The following CCAR1 variants were observed in gnomAD, a reference collection of about 807,000 sequenced individuals.
CCAR1 encodes the protein cell division cycle and apoptosis regulator protein 1.
Under a neutral mutation model 163.8 loss-of-function variants are expected in CCAR1, and 78 were observed. That is an observed-to-expected ratio of 0.48 (90% CI 0.40 to 0.57). The LOEUF is 0.57. CCAR1 is among the 20% of genes least tolerant of loss of function. CCAR1 has a pLI of 0.00. For missense variants in CCAR1, 1,019 were observed against 1,365.2 expected (o/e 0.75, Z 4.00); for synonymous variants, 443 against 460.7 (o/e 0.96, Z 0.49).
intron 10 of CCAR1, 87 bp downstream of exon 10, chr10:68,749,772 G>A: frequency 8.4e-7 from 1 of 1,191,254 alleles, no homozygotes; most frequent in Non-Finnish European, 1.2e-6. Flanking sequence ...TTTCTTGCAA[G>A]ATTGATTTCC....
intron 17 of CCAR1, among the ~76,000 whole-genome samples, chr10:68,769,199 GTCCCGACCT>G (rs1194376142): frequency 3.9e-5 from 6 of 152,282 alleles, no homozygotes; most frequent in African/African-American, 4.8e-5. Context: ...TGGTCTCGAA[GTCCCGACCT>G]CGTGATCCAC....
intron 4 of CCAR1, among the ~76,000 whole-genome samples, chr10:68,738,190 G>A (rs533427676): frequency 5.9e-5 from 9 of 152,268 alleles, no homozygotes; most frequent in Non-Finnish European, 4.4e-5. Flanking sequence ...CGAGGCGGGC[G>A]GATCACTTGA....
At chr10:68,780,395 A>C (rs2056721422) in intron 19 of CCAR1, among the ~76,000 whole-genome samples, 1 of 152,180 alleles carries the variant, frequency 6.6e-6, no homozygotes, top group Non-Finnish European at 1.5e-5. Context: ...TGGTCTCACT[A>C]TGATGCCCAA....
intron 7 of CCAR1, 46 bp downstream of exon 7, chr10:68,747,321 G>A (rs774620268): frequency 6.3e-7 from 1 of 1,587,830 alleles, no homozygotes; most frequent in Non-Finnish European, 8.6e-7. Flanking sequence ...TGGTAAATGA[G>A]TCTTCTAATT....
intron 19 of CCAR1, among the ~76,000 whole-genome samples, chr10:68,783,548 G>A (rs764580061): frequency 1.3e-5 from 2 of 152,002 alleles, no homozygotes; most frequent in Non-Finnish European, 2.9e-5. Flanking sequence ...GCTGAGGAAG[G>A]CACGAGGTCA....
intron 24 of CCAR1, among the ~76,000 whole-genome samples, chr10:68,790,199 CA>C (rs1437430372): frequency 6.6e-6 from 1 of 151,444 alleles, no homozygotes; most frequent in East Asian, 1.9e-4. Context: ...ACTAAAAATA[CA>C]AAAAAAATTA....
intron 6 of CCAR1, among the ~76,000 whole-genome samples, chr10:68,743,489 T>A (rs1031624568): frequency 6.6e-6 from 1 of 151,920 alleles, no homozygotes; most frequent in African/African-American, 2.4e-5. Flanking sequence ...TGTATTTTTA[T>A]TTTTTTCTGA....
intron 19 of CCAR1, among the ~76,000 whole-genome samples, chr10:68,785,823 T>G (rs928471241): frequency 1.3e-5 from 2 of 152,254 alleles, no homozygotes; most frequent in Non-Finnish European, 2.9e-5. Context: ...TCTGTAGATA[T>G]TCTGGACATT....
intron 16 of CCAR1, 147 bp from the exon 17 acceptor site, chr10:68,765,741 G>T: frequency 1.8e-6 from 1 of 542,164 alleles, no homozygotes; most frequent in Non-Finnish European, 3.2e-6. Context: ...CCTTCTCAAC[G>T]CTTATGGTTT....
intron 21 of CCAR1, 114 bp from the exon 22 acceptor site, chr10:68,787,813 C>A: frequency 9.8e-7 from 1 of 1,019,332 alleles, no homozygotes; most frequent in Non-Finnish European, 1.4e-6. Flanking sequence ...CCAGTTTGGG[C>A]GACAAGAGCA....
At chr10:68,769,684 T>C (rs2056577682) in intron 17 of CCAR1, among the ~76,000 whole-genome samples, 1 of 151,426 alleles carries the variant, frequency 6.6e-6, no homozygotes, top group Non-Finnish European at 1.5e-5. Context: ...GCTCACGCCT[T>C]TAATCCTAGC....
intron 19 of CCAR1, among the ~76,000 whole-genome samples, chr10:68,783,043 T>C (rs971372766): frequency 2.7e-5 from 4 of 148,382 alleles, no homozygotes; most frequent in Non-Finnish European, 4.5e-5. Flanking sequence ...CACTCTGTCA[T>C]GCAGGCTGGA....
At chr10:68,786,722 A>G (rs771355311) in intron 21 of CCAR1, 30 bp downstream of exon 21, 2 of 1,553,504 alleles carry the variant, frequency 1.3e-6, no homozygotes, top group African/African-American at 1.4e-5. Flanking sequence ...TTTAAAAGGA[A>G]AACATTTTTT....
At chr10:68,736,643 A>T (rs182869463) in intron 2 of CCAR1, among the ~76,000 whole-genome samples, 35 of 152,218 alleles carry the variant, frequency 2.3e-4, no homozygotes, top group African/African-American at 7.7e-4. Context: ...ACGTGGTGCA[A>T]ATTACCGGAT....
intron 19 of CCAR1, among the ~76,000 whole-genome samples, chr10:68,785,566 T>A (rs889397104): frequency 6.6e-6 from 1 of 152,176 alleles, no homozygotes; most frequent in Non-Finnish European, 1.5e-5. Context: ...TTTGTTTGAC[T>A]AGCTTTATTG....
intron 18 of CCAR1, 102 bp downstream of exon 18, chr10:68,771,547 A>G: frequency 9.4e-7 from 1 of 1,066,784 alleles, no homozygotes; most frequent in Non-Finnish European, 1.4e-6. Flanking sequence ...AGCCAAACTG[A>G]AAGATTTTAC....
intron 15 of CCAR1, chr10:68,759,407 C>G (rs1450228537): frequency 1.3e-5 from 2 of 151,446 alleles, no homozygotes; most frequent in Non-Finnish European, 1.5e-5. Context: ...AAAATGAAAT[C>G]CTGTCTAAAA....
In CCAR1 at chr10:68,791,322, T is replaced by C; in HGVS notation, c.*56T>C. 1 of 1,205,308 alleles carries C rather than the reference T, an allele frequency of 8.3e-7. No individual in the cohort carries two copies. Among genetic ancestry groups the C allele is most frequent in the Non-Finnish European group, 1.2e-6 (1 of 841,202 alleles). The allele number at this position is 1,205,308 out of a possible 1,614,324, so 74.7% of individuals were successfully genotyped here. On this transcript the variant is annotated 3_prime_UTR_variant, in exon 25 of 25. Transcript: ENST00000265872. ...TAAATAATGTAATATATAAAAATCA[T>C]GATATAAGAATGTTTGAAGGTGATG...
In CCAR1 at chr10:68,755,523, G is replaced by A; in HGVS notation, c.1612G>A (p.Val538Met). The stretch of plus-strand genomic sequence containing the variant: ...GGCTCTGACAGGCATTGATCTAAGT[G>A]TGTGCACACAATGGTAAGTACTAAT... ...CKALTGIDLS[V>M]CTQWYRFAEI... is the part of the protein sequence containing the mutation. The change falls in exon 13 of 25, where the codon GTG becomes ATG. Residue 538 changes from valine to methionine, a missense_variant. This residue lies in a region of CCAR1 where 644 missense variants were observed against 904.4 expected (regional missense o/e 0.71). Transcript: ENST00000265872. 1 of 1,613,476 alleles carries A rather than the reference G, an allele frequency of 6.2e-7. No individual in the cohort carries two copies. The highest frequency in any genetic ancestry group is 8.5e-7 in the Non-Finnish European group (1 of 1,179,584).
Sources: gnomAD v4.1 joint callset for allele counts (sites outside exome capture counted in the v4.1 genomes callset) on GRCh38, gnomAD v4.1.1 for gene constraint, gnomAD v4.1.1 regional missense constraint, MANE v1.5 for transcripts, NCBI Gene and HGNC (gene_info 2026-07-23, HGNC 2026-07-21) for gene names.